Variants in CC2D2A observed in about 807,000 individuals in gnomAD.
The protein encoded by CC2D2A is coiled-coil and C2 domain-containing protein 2A.
In CC2D2A, 155 loss-of-function variants were observed where a neutral mutation model predicts 212.9. The observed-to-expected ratio is 0.73, with a 90% CI of 0.64 to 0.83. The LOEUF (loss-of-function observed/expected upper bound fraction) is 0.83. CC2D2A is among the 40% of genes least tolerant of loss of function. The probability of loss-of-function intolerance (pLI) is 0.00; values close to 1 mark genes in which losing one functional copy is unlikely to be tolerated. For missense variants in CC2D2A, 1,856 were observed against 1,956.2 expected (o/e 0.95, Z 0.97); for synonymous variants, 667 against 686.5 (o/e 0.97, Z 0.44).
At chr4:15,557,530 T>C (rs1370225851) in intron 21 of CC2D2A, 23 bp downstream of exon 21, 3 of 1,509,130 alleles carry the variant, frequency 2.0e-6, no homozygotes, top group South Asian at 1.2e-5. Flanking sequence ...CATAGAGGGG[T>C]TAATAAAATA....
rs1479141284 is a variant in CC2D2A at position 15,500,107 on chromosome 4, G to GTGTGTGTATATATA, written c.248-2321_248-2320insGTGTGTATATATAT. 7.8e-3 allele frequency among the ~76,000 whole-genome samples: 879 copies of GTGTGTGTATATATA among 112,816 alleles called. 3 individuals carry two copies. Among genetic ancestry groups the GTGTGTGTATATATA allele is most frequent in the Non-Finnish European group, 0.012 (659 of 56,942 alleles). The allele number at this position is 112,816 out of a possible 152,430, so 74.0% of individuals were successfully genotyped here. On this transcript the variant is annotated intron_variant, in intron 4 of 36. Transcript: ENST00000424120. ...TGTGTGTGTGTGTGTGTGTGTGTGT[G>GTGTGTGTATATATA]TATATATATATATATATATATATAT...
At chr4:15,524,253 C>A (rs1042901590) in intron 11 of CC2D2A, among the ~76,000 whole-genome samples, 4 of 151,580 alleles carry the variant, frequency 2.6e-5, no homozygotes, top group African/African-American at 9.7e-5. Context: ...CTGCCTCAAC[C>A]TCCCGAGTAG....
chr4:15,474,082 T>G (rs188563030), intron 1 of CC2D2A, among the ~76,000 whole-genome samples: 1 of 152,110 alleles, frequency 6.6e-6, no homozygotes, highest in African/African-American at 2.4e-5. Context: ...AGAGACATAA[T>G]GAGATGGCCA....
chr4:15,579,540 C>T (rs1027975651), intron 29 of CC2D2A, among the ~76,000 whole-genome samples: 1 of 152,152 alleles, frequency 6.6e-6, no homozygotes, highest in African/African-American at 2.4e-5. Flanking sequence ...GCCCATTTAA[C>T]ATGAGTTGCT....
chr4:15,527,584 C>T lies in CC2D2A; in HGVS notation c.1287C>T (p.Ala429=). 6.2e-7 allele frequency: 1 copy of T among 1,613,294 alleles called. No individual in the cohort carries two copies. The highest frequency in any genetic ancestry group is 8.5e-7 in the Non-Finnish European group (1 of 1,179,602). Reference sequence around the variant, plus strand: ...TTAGCCGAGAGCATGTTTTGGCAGCCAAGCTGGCCCAGTTATATGACCAGT... The same window carrying T: ...TTAGCCGAGAGCATGTTTTGGCAGCTAAGCTGGCCCAGTTATATGACCAGT... ...PCFSREHVLA[A]KLAQLYDQYL... is the part of the protein sequence containing the mutation. Residue 429 remains alanine (A), a synonymous_variant, in exon 12 of 37, where the codon GCC becomes GCT. Coordinates refer to ENST00000424120, the MANE Select transcript of CC2D2A (RefSeq NM_001378615.1).
intron 1 of CC2D2A, among the ~76,000 whole-genome samples, chr4:15,471,946 G>T (rs1713857673): frequency 6.6e-6 from 1 of 152,124 alleles, no homozygotes; most frequent in African/African-American, 2.4e-5. Flanking sequence ...AATATATCTG[G>T]TTTTCTGCAC....
chr4:15,471,563 T>G (rs1232153236), intron 1 of CC2D2A, among the ~76,000 whole-genome samples: 4 of 151,892 alleles, frequency 2.6e-5, no homozygotes, highest in Non-Finnish European at 5.9e-5. Flanking sequence ...TACACACATT[T>G]CATCATTTAG....
chr4:15,524,503 T>A (rs1261867771), intron 11 of CC2D2A, among the ~76,000 whole-genome samples: 5 of 141,508 alleles, frequency 3.5e-5, no homozygotes, highest in African/African-American at 1.3e-4. Context: ...CAGGCTGGAG[T>A]GCAGTAGCGC....
At chr4:15,482,250 A>G in intron 4 of CC2D2A, 1 of 985,088 alleles carries the variant, frequency 1.0e-6, no homozygotes, top group Non-Finnish European at 1.2e-6. Context: ...TAATAAAAAC[A>G]GAACCAAAAT....
intron 1 of CC2D2A, among the ~76,000 whole-genome samples, chr4:15,475,119 C>A (rs1386913271): frequency 6.6e-6 from 1 of 152,082 alleles, no homozygotes; most frequent in African/African-American, 2.4e-5. Flanking sequence ...ACTAAAAACA[C>A]AAAAATTAGC....
At chr4:15,557,649 C>G (rs886253451) in intron 21 of CC2D2A, 142 bp downstream of exon 21, 7 of 534,154 alleles carry the variant, frequency 1.3e-5, no homozygotes, top group Non-Finnish European at 1.9e-5. Flanking sequence ...TATACATAAC[C>G]TTTCCATGCT....
intron 17 of CC2D2A, among the ~76,000 whole-genome samples, chr4:15,545,852 T>C (rs2093776487): frequency 6.6e-6 from 1 of 152,104 alleles, no homozygotes; most frequent in African/African-American, 2.4e-5. Context: ...CTCACACCTA[T>C]CATCCCAGCA....
At chr4:15,505,142 A>C (rs948742824) in intron 6 of CC2D2A, among the ~76,000 whole-genome samples, 3 of 152,208 alleles carry the variant, frequency 2.0e-5, no homozygotes, top group Non-Finnish European at 4.4e-5. Flanking sequence ...TTAAGTATTA[A>C]TGATTGTTAG....
At chr4:15,556,742 T>C (rs1719299280) in intron 20 of CC2D2A, among the ~76,000 whole-genome samples, 1 of 152,184 alleles carries the variant, frequency 6.6e-6, no homozygotes, top group South Asian at 2.1e-4. Flanking sequence ...GGTGCCAGAC[T>C]TGGCCTTCTT....
chr4:15,572,715 T>C (rs1349344595), intron 28 of CC2D2A, among the ~76,000 whole-genome samples: 1 of 151,922 alleles, frequency 6.6e-6, no homozygotes, highest in Non-Finnish European at 1.5e-5. Context: ...GGAAGTTTAT[T>C]AGGAGAAGTG....
chr4:15,539,324 A>G (rs1019426101), intron 16 of CC2D2A, among the ~76,000 whole-genome samples: 6 of 152,176 alleles, frequency 3.9e-5, no homozygotes, highest in Non-Finnish European at 8.8e-5. Flanking sequence ...CATTAAAATC[A>G]TCGATACCAC....
rs577689314 is a variant in CC2D2A, at chr4:15,577,131, C to G, written c.3771+2805C>G. Among the ~76,000 whole-genome samples, 4 of 147,316 alleles carry G rather than the reference C, an allele frequency of 2.7e-5. No homozygotes were observed. In the East Asian group the frequency reaches 7.8e-4, roughly 29 times the overall value. On this transcript the variant is annotated intron_variant, in intron 29 of 36. Transcript: ENST00000424120. Reference sequence around the variant, plus strand: ...ACCTCAGCCTCCCAAGTACTGGGACCACAGGCATGTGCCACTAGGCACAGC... The same window carrying G: ...ACCTCAGCCTCCCAAGTACTGGGACGACAGGCATGTGCCACTAGGCACAGC...
chr4:15,533,472 A>G lies in CC2D2A; in HGVS notation c.1607+139A>G, dbSNP rs7687556. The G allele has an allele frequency of 0.93, 529,330 of 567,634 alleles. 246,947 individuals are homozygous for G. The highest frequency in any genetic ancestry group is 0.96 in the African/African-American group (49,063 of 50,876). The allele number at this position is 567,634 out of a possible 1,614,324, so 35.2% of individuals were successfully genotyped here. The stretch of plus-strand genomic sequence containing the variant: ...CCCAGGTTAAGAAATAGAACATTGC[A>G]TACCTGAGCAGCCCCTCCCAAATAA... On this transcript the variant is annotated intron_variant, in intron 14 of 36. Transcript: ENST00000424120.
Position 15,475,962 on chromosome 4 carries a change from A to G in CC2D2A, c.30A>G (p.Ile10Met), listed in dbSNP as rs1714184838. The change falls in exon 2 of 37, where the codon ATA becomes ATG. Residue 10 changes from isoleucine to methionine, a missense_variant. Ile to Met is a conservative substitution (Grantham distance 10). Transcript: ENST00000424120. MNPREEKVKIITEEFIENDE... is the reference protein window; with the variant it reads MNPREEKVKMITEEFIENDE... ...ATCCCAGGGAAGAAAAAGTAAAAAT[A>G]ATTACAGAGGTAAGTGGCCACTTTG... The G allele has an allele frequency of 6.3e-7, 1 of 1,590,550 alleles. No homozygotes were observed. The highest frequency in any genetic ancestry group is 8.6e-7 in the Non-Finnish European group (1 of 1,167,732).
Sources: gnomAD v4.1 joint callset for allele counts (sites outside exome capture counted in the v4.1 genomes callset) on GRCh38, gnomAD v4.1.1 for gene constraint, MANE v1.5 for transcripts, NCBI Gene and HGNC (gene_info 2026-07-23, HGNC 2026-07-21) for gene names.